CCNY: variants seen among roughly 807,000 people sequenced by gnomAD.
CCNY encodes cyclin Y, also known as cyclin-Y.
Under a neutral mutation model 42.8 loss-of-function variants are expected in CCNY, and 19 were observed. The observed-to-expected ratio is 0.44, with a 90% confidence interval of 0.31 to 0.65. The LOEUF (loss-of-function observed/expected upper bound fraction) is 0.65. Among genes scored for constraint, CCNY ranks in the 30% least tolerant of loss-of-function variants. The pLI is 0.07. For synonymous variants in CCNY, 165 were observed against 162.7 expected (o/e 1.01, Z -0.11); for missense variants, 370 against 437.3 (o/e 0.85, Z 1.37).
intron 1 of CCNY, among the ~76,000 whole-genome samples, chr10:35,419,533 C>CTTTTTTTTTTTTTTTTTT (rs34429228): frequency 2.3e-4 from 30 of 129,668 alleles, no homozygotes; most frequent in African/African-American, 6.6e-4. Context: ...TAGACCGTTC[C>CTTTTTTTTTTTTTTTTTT]TTTTTTTTTT....
intron 1 of CCNY, among the ~76,000 whole-genome samples, chr10:35,355,899 C>G (rs1412089596): frequency 6.6e-6 from 1 of 151,740 alleles, no homozygotes; most frequent in Non-Finnish European, 1.5e-5. Context: ...TGTCAGCTTT[C>G]CTATCTTAGA....
intron 1 of CCNY, among the ~76,000 whole-genome samples, chr10:35,391,412 G>C (rs989715188): frequency 2.6e-5 from 4 of 152,162 alleles, no homozygotes; most frequent in African/African-American, 9.7e-5. Flanking sequence ...GGGTGACTCA[G>C]GTCAAAGCAG....
chr10:35,435,099 A>G (rs1035435642), intron 1 of CCNY, among the ~76,000 whole-genome samples: 3 of 152,212 alleles, frequency 2.0e-5, no homozygotes, highest in African/African-American at 4.8e-5. Flanking sequence ...AGGCATCAAC[A>G]TGTGGATTTC....
chr10:35,512,521 A>G (rs927201738), intron 3 of CCNY, among the ~76,000 whole-genome samples: 14 of 152,236 alleles, frequency 9.2e-5, no homozygotes, highest in Non-Finnish European at 1.6e-4. Flanking sequence ...TTCAGTTCAA[A>G]TATCAAATTG....
chr10:35,314,846 GC>G (rs1297767211), intron 3 of CCNY: 3 of 152,110 alleles, frequency 2.0e-5, no homozygotes, highest in Admixed American at 1.3e-4. Flanking sequence ...ACTTTGGGAG[GC>G]CGAGGGGGGT....
intron 7 of CCNY, among the ~76,000 whole-genome samples, chr10:35,536,550 T>C (rs1484502626): frequency 6.6e-6 from 1 of 152,158 alleles, no homozygotes; most frequent in Admixed American, 6.5e-5. Flanking sequence ...GTTGAATGGC[T>C]TTGCCCAAAG....
intron 1 of CCNY, among the ~76,000 whole-genome samples, chr10:35,451,321 T>G (rs542944507): frequency 4.8e-4 from 73 of 152,334 alleles, no homozygotes; most frequent in African/African-American, 1.7e-3. Context: ...GTGTAGTTGT[T>G]TTGCTTGGTG....
In CCNY at chr10:35,340,789, C is replaced by T. The variant is rs112490667; in HGVS notation, c.154+3582C>T. On this transcript the variant is annotated intron_variant, in intron 1 of 9. Coordinates refer to ENST00000374704, the MANE Select transcript of CCNY (RefSeq NM_145012.6). ...AAAGTGCTGGGATTACAGGGGTGAG[C>T]CACTGCTCCTGGCCCACTCTTTTCA... Among the ~76,000 whole-genome samples, 319 of 152,276 alleles carry T rather than the reference C, an allele frequency of 2.1e-3. 1 individual carries two copies. The highest frequency in any genetic ancestry group is 7.2e-3 in the African/African-American group (300 of 41,550).
rs112521052 is a variant in CCNY at position 35,450,696 on chromosome 10, CT to C, written c.155-32696del. Among the ~76,000 whole-genome samples the C allele has an allele frequency of 7.8e-4, 113 of 144,088 alleles. No homozygotes were observed. In the East Asian group the frequency reaches 8.7e-3, roughly 11 times the overall value. 94.5% of individuals were successfully genotyped at this position (144,088 alleles called of 152,430 possible). ...AGGCCAGTATTACCAGGAGATTTTT[CT>C]TTTTTTTTTTTCTTTCTCTTTTACC... On this transcript the variant is annotated intron_variant, in intron 1 of 9. Transcript: ENST00000374704.
At chr10:35,329,826 T>G (rs1298939972) in intron 3 of CCNY, among the ~76,000 whole-genome samples, 1 of 151,804 alleles carries the variant, frequency 6.6e-6, no homozygotes, top group Non-Finnish European at 1.5e-5. Context: ...GTGGGCTGGG[T>G]TTTTAGTTAA....
intron 3 of CCNY, among the ~76,000 whole-genome samples, chr10:35,277,380 C>A (rs1463989149): frequency 6.6e-6 from 1 of 152,176 alleles, no homozygotes; most frequent in Non-Finnish European, 1.5e-5. Context: ...CATCTCAAGT[C>A]TCAGGGTCAC....
Position 35,530,143 on chromosome 10 carries a change from A to G in CCNY, c.479A>G (p.Asp160Gly), listed in dbSNP as rs779055990. ...HPLSKSEVPP[D>G]YDKHNPEQKQ... ...CCCCAGAAATCCGAAGTGCCACCAGATTATGACAAACACAACCCAGAGCAG... is the reference window on the plus strand; with the variant it reads ...CCCCAGAAATCCGAAGTGCCACCAGGTTATGACAAACACAACCCAGAGCAG... The change falls in exon 7 of 10, where the codon GAT becomes GGT. Residue 160 changes from aspartate (D) to glycine (G), a missense_variant. Coordinates refer to ENST00000374704, the MANE Select transcript of CCNY (RefSeq NM_145012.6). This position sits in a 1 kb window ranked among gnomAD's most constrained non-coding sequence, Gnocchi z 4.3. 6.2e-7 allele frequency: 1 copy of G among 1,614,222 alleles called. No individual in the cohort carries two copies. Among genetic ancestry groups the G allele is most frequent in the South Asian group, 1.1e-5 (1 of 91,088 alleles).
rs150493547 is a variant in CCNY, at chr10:35,503,602, G to A, written c.264+2067G>A. On this transcript the variant is annotated intron_variant, in intron 3 of 9. Coordinates refer to ENST00000374704, the MANE Select transcript of CCNY (RefSeq NM_145012.6). ...TAAGTTAGAACAGTGGAGAAAGGAC[G>A]AGCAATAATAATAATCGGTCCCATC... Among the ~76,000 whole-genome samples the A allele has an allele frequency of 2.4e-3, 367 of 152,330 alleles. 3 individuals are homozygous for A. The highest frequency in any genetic ancestry group is 8.2e-3 in the African/African-American group (342 of 41,578).
intron 1 of CCNY, among the ~76,000 whole-genome samples, chr10:35,445,232 G>A (rs185609376): frequency 2.0e-5 from 3 of 152,238 alleles, no homozygotes; most frequent in East Asian, 3.9e-4. Context: ...ATGAAGGAGA[G>A]CCTTTAGAGA....
intron 8 of CCNY, among the ~76,000 whole-genome samples, chr10:35,554,169 G>A (rs1359155581): frequency 6.6e-6 from 1 of 151,920 alleles, no homozygotes; most frequent in Non-Finnish European, 1.5e-5. Flanking sequence ...ACCACTGCAG[G>A]GGTGTCCCTG....
At chr10:35,260,196 C>T (rs1388993508) in intron 3 of CCNY, among the ~76,000 whole-genome samples, 3 of 152,114 alleles carry the variant, frequency 2.0e-5, no homozygotes, top group Non-Finnish European at 2.9e-5. Flanking sequence ...CTATCATGAC[C>T]AAGGCATTTG....
chr10:35,270,718 TTTTTTTTTTC>T (rs1299386893), intron 3 of CCNY, among the ~76,000 whole-genome samples: 11 of 138,556 alleles, frequency 7.9e-5, no homozygotes, highest in African/African-American at 2.9e-4. Flanking sequence ...TGGTCAGTTC[TTTTTTTTTTC>T]TTTTTTTTTT....
chr10:35,384,803 C>T (rs1837268489), intron 1 of CCNY, among the ~76,000 whole-genome samples: 1 of 152,186 alleles, frequency 6.6e-6, no homozygotes, highest in African/African-American at 2.4e-5. Context: ...GCTTTCCTCA[C>T]AAATTGCTTC....
intron 3 of CCNY, among the ~76,000 whole-genome samples, chr10:35,306,602 G>A (rs1389471206): frequency 5.9e-5 from 9 of 152,170 alleles, no homozygotes; most frequent in Non-Finnish European, 1.0e-4. Context: ...CATGGCAGAA[G>A]CTGTTTGGGA....
Sources: allele counts gnomAD v4.1 joint callset (sites outside exome capture counted in the v4.1 genomes callset), GRCh38; gene constraint gnomAD v4.1.1; non-coding constraint Gnocchi (gnomAD v3.1); transcripts MANE v1.5; gene names NCBI Gene and HGNC (gene_info 2026-07-23, HGNC 2026-07-21).